The following KCTD2 variants were observed in gnomAD, a reference collection of about 807,000 sequenced individuals.
KCTD2 encodes potassium channel tetramerization domain containing 2.
In KCTD2, 18 loss-of-function variants were observed where a neutral mutation model predicts 27.9. The ratio of observed to expected loss-of-function variants is 0.64; its 90% CI spans 0.45 to 0.96. The LOEUF is 0.96. Among genes scored for constraint, KCTD2 ranks in the 40% least tolerant of loss-of-function variants. KCTD2 has a pLI of 0.00. For synonymous variants in KCTD2, 175 were observed against 148.4 expected (o/e 1.18, Z -1.30); for missense variants, 280 against 348.0 (o/e 0.80, Z 1.56).
At chr17:75,049,040 G>A in intron 1 of KCTD2, 180 bp from the exon 2 acceptor site, 1 of 518,528 alleles carries the variant, frequency 1.9e-6, no homozygotes, top group Non-Finnish European at 3.5e-6. Context: ...TAAAGCTATA[G>A]CTTTCTTACC....
rs573649573 is a variant in KCTD2 at position 75,034,404 on chromosome 17, A to G, written c.-385+287A>G. 2.0e-5 allele frequency among the ~76,000 whole-genome samples: 3 copies of G among 152,216 alleles called. No individual in the cohort carries two copies. The South Asian group carries it at 6.2e-4, about 32-fold the overall frequency. On this transcript the variant is annotated intron_variant, in intron 2 of 7. Transcript: ENST00000581589. ...GGTCTCTGGCTGCCGGCACCAAAAGAAACCTTGCGAGCACAGCCCCTCTCG... is the reference window on the plus strand; with the variant it reads ...GGTCTCTGGCTGCCGGCACCAAAAGGAACCTTGCGAGCACAGCCCCTCTCG...
In KCTD2 at chr17:75,047,541, T is replaced by C; in HGVS notation, c.291T>C (p.Phe97=). The stretch of plus-strand genomic sequence containing the variant: ...CCTTAGGCCGGGAGCCCAAGTCATT[T>C]CTCTGCCGCCTCTGCTGCCAGGAGG... ...RQTLGREPKS[F]LCRLCCQEDP... Residue 97 remains phenylalanine (F), a synonymous_variant, in exon 1 of 6, where the codon TTT becomes TTC. Transcript: ENST00000322444. 1 of 1,611,230 alleles carries C rather than the reference T, an allele frequency of 6.2e-7. No homozygotes were observed. The highest frequency in any genetic ancestry group is 1.1e-5 in the South Asian group (1 of 91,026).
chr17:75,047,215 G>A, upstream of KCTD2: 1 of 720,146 alleles, frequency 1.4e-6, no homozygotes, highest in Non-Finnish European at 1.9e-6. Flanking sequence ...CGGCCCGGCT[G>A]CGCGCGGGCA....
intron 1 of KCTD2, 184 bp from the exon 2 acceptor site, chr17:75,049,036 T>C (rs1236027311): frequency 1.9e-6 from 1 of 518,246 alleles, no homozygotes; most frequent in African/African-American, 1.9e-5. Flanking sequence ...TACATAAAGC[T>C]ATAGCTTTCT....
At chr17:75,057,433 T>C (rs965760825) in intron 3 of KCTD2, among the ~76,000 whole-genome samples, 2 of 152,156 alleles carry the variant, frequency 1.3e-5, no homozygotes, top group Admixed American at 6.6e-5. Flanking sequence ...TTTGTACTTA[T>C]ACAATTGGTT....
chr17:75,051,774 G>C (rs139620153), intron 2 of KCTD2, among the ~76,000 whole-genome samples: 1 of 152,152 alleles, frequency 6.6e-6, no homozygotes, highest in Non-Finnish European at 1.5e-5. Context: ...AGACAGTACA[G>C]TTATCAAACT....
At chr17:75,050,996 C>T (rs1008798601) in intron 2 of KCTD2, among the ~76,000 whole-genome samples, 6 of 139,022 alleles carry the variant, frequency 4.3e-5, no homozygotes, top group South Asian at 2.3e-4. Flanking sequence ...TTTTTTGAGA[C>T]GGAGTCTTGC....
chr17:75,042,022 A>G (rs2073166407), intron 3 of KCTD2: 2 of 610,536 alleles, frequency 3.3e-6, no homozygotes, highest in East Asian at 5.8e-5. Context: ...TCCTGCACCT[A>G]TTTACAGTTC....
upstream of KCTD2, chr17:75,042,400 T>C (rs1399439388): frequency 1.3e-6 from 2 of 1,501,676 alleles, no homozygotes; most frequent in Non-Finnish European, 1.8e-6. Flanking sequence ...CCTAAGATCA[T>C]CATGAAAATG....
intron 2 of KCTD2, among the ~76,000 whole-genome samples, chr17:75,051,695 A>G (rs1025179985): frequency 1.3e-5 from 2 of 151,492 alleles, no homozygotes; most frequent in East Asian, 1.9e-4. Flanking sequence ...TTGAGAATAG[A>G]TTGCAGATTT....
intron 3 of KCTD2, chr17:75,040,961 T>A (rs964638845): frequency 6.6e-6 from 1 of 151,390 alleles, no homozygotes; most frequent in African/African-American, 2.4e-5. Context: ...AGGCCCTCCA[T>A]ACACATCTTT....
chr17:75,049,287 G>A lies in KCTD2; in HGVS notation c.407G>A (p.Arg136His), dbSNP rs556868260. The A allele has an allele frequency of 4.3e-6, 7 of 1,613,588 alleles. No homozygotes were observed. The highest frequency in any genetic ancestry group is 1.1e-5 in the South Asian group (1 of 91,046). Residue 136 changes from arginine (R) to histidine (H), a missense_variant, in exon 2 of 6, where the codon CGC (arginine) becomes CAC (histidine). Arg to His is a conservative substitution (Grantham distance 29). Transcript: ENST00000322444. Reference sequence around the variant, plus strand: ...TTTGGTCCTATCCTCAACTACCTCCGCCACGGGAAACTCATCATCACTAAG... The same window carrying A: ...TTTGGTCCTATCCTCAACTACCTCCACCACGGGAAACTCATCATCACTAAG... ...TYFGPILNYLRHGKLIITKEL... is the reference protein window; with the variant it reads ...TYFGPILNYLHHGKLIITKEL...
intron 3 of KCTD2, among the ~76,000 whole-genome samples, chr17:75,055,290 A>G (rs778627892): frequency 3.9e-5 from 6 of 151,924 alleles, no homozygotes; most frequent in Non-Finnish European, 7.4e-5. Flanking sequence ...TCAGGCCTCA[A>G]GTGATCCACT....
chr17:75,049,349 G>A, intron 2 of KCTD2, 21 bp downstream of exon 2: 1 of 1,391,358 alleles, frequency 7.2e-7, no homozygotes. Flanking sequence ...TGTTTGCATT[G>A]GGGATTTTCA....
At chr17:75,061,423 T>C (rs1369692402) in intron 4 of KCTD2, among the ~76,000 whole-genome samples, 2 of 152,144 alleles carry the variant, frequency 1.3e-5, no homozygotes, top group East Asian at 3.8e-4. Flanking sequence ...GGTGGGAGGA[T>C]TGCTTGAGTC....
At chr17:75,042,330 C>T, upstream of KCTD2, 2 of 1,580,794 alleles carry the variant, frequency 1.3e-6, no homozygotes, top group Non-Finnish European at 1.7e-6. Flanking sequence ...GTAGAAAATT[C>T]ACATGGTAAT....
chr17:75,059,631 C>A (rs562132305), intron 4 of KCTD2, 26 bp downstream of exon 4: 4 of 1,575,054 alleles, frequency 2.5e-6, no homozygotes, highest in Admixed American at 3.4e-5. Flanking sequence ...GAGCAGCAAT[C>A]CCAGGCCCCG....
chr17:75,050,995 ACG>A (rs954645212), intron 2 of KCTD2, among the ~76,000 whole-genome samples: 11 of 136,766 alleles, frequency 8.0e-5, no homozygotes, highest in African/African-American at 3.2e-4. Context: ...TTTTTTTGAG[ACG>A]GAGTCTTGCT....
At chr17:75,041,784 T>A in intron 3 of KCTD2, 1 of 157,376 alleles carries the variant, frequency 6.4e-6, no homozygotes, top group Non-Finnish European at 1.4e-5. Context: ...GTGGATTGCT[T>A]GAGCCCAAGA....
Sources: allele counts gnomAD v4.1 joint callset (sites outside exome capture counted in the v4.1 genomes callset), GRCh38; gene constraint gnomAD v4.1.1; transcripts MANE v1.5; gene names NCBI Gene and HGNC (gene_info 2026-07-23, HGNC 2026-07-21).